The following ABCC1 variants were observed in gnomAD, a reference collection of about 807,000 sequenced individuals.
The protein encoded by ABCC1 is ATP binding cassette subfamily C member 1 (ABCC1 blood group).
ABCC1 carries 83 observed loss-of-function variants against 172.9 expected under a neutral mutation model. The ratio of observed to expected loss-of-function variants is 0.48; its 90% CI spans 0.40 to 0.58. ABCC1 has a LOEUF of 0.58. Among genes scored for constraint, ABCC1 ranks in the 20% least tolerant of loss-of-function variants. ABCC1 has a pLI of 0.00. For synonymous variants in ABCC1, 937 were observed against 825.2 expected (o/e 1.14, Z -2.32); for missense variants, 1,817 against 2,002.7 (o/e 0.91, Z 1.77).
At chr16:16,013,442 T>C (rs746812065) in intron 3 of ABCC1, among the ~76,000 whole-genome samples, 4 of 152,052 alleles carry the variant, frequency 2.6e-5, no homozygotes, top group Non-Finnish European at 5.9e-5. Context: ...GGCTAATTTT[T>C]GTATTTTTAG....
chr16:16,097,534 T>C (rs1216919042), intron 19 of ABCC1, among the ~76,000 whole-genome samples: 1 of 152,232 alleles, frequency 6.6e-6, no homozygotes, highest in African/African-American at 2.4e-5. Flanking sequence ...GTTCAAGGCA[T>C]GTCCTGCATA....
chr16:16,088,242 C>T (rs12596095), intron 18 of ABCC1, among the ~76,000 whole-genome samples: 17,439 of 151,834 alleles, frequency 0.11, 1,067 homozygotes, highest in East Asian at 0.22. Flanking sequence ...GTCAGGAGTT[C>T]GAGACCAGCC....
chr16:16,140,387 C>T (rs777178581), intron 30 of ABCC1, among the ~76,000 whole-genome samples: 11 of 152,130 alleles, frequency 7.2e-5, no homozygotes, highest in Non-Finnish European at 1.6e-4. Context: ...CTCACCCTGT[C>T]GCCCAGGCTG....
At chr16:16,086,049 C>T (rs934130394) in intron 17 of ABCC1, among the ~76,000 whole-genome samples, 1 of 152,036 alleles carries the variant, frequency 6.6e-6, no homozygotes, top group Non-Finnish European at 1.5e-5. Flanking sequence ...AGTGACAGAT[C>T]CAGAGTAAGC....
intron 5 of ABCC1, among the ~76,000 whole-genome samples, chr16:16,019,505 T>A (rs1328703832): frequency 6.6e-6 from 1 of 152,194 alleles, no homozygotes; most frequent in Non-Finnish European, 1.5e-5. Context: ...TGGTTGGGGC[T>A]GCCTGGCTGG....
At chr16:16,130,687 T>C (rs1156699836) in intron 26 of ABCC1, among the ~76,000 whole-genome samples, 11 of 152,244 alleles carry the variant, frequency 7.2e-5, no homozygotes, top group Non-Finnish European at 1.6e-4. Flanking sequence ...AGCCTAATGA[T>C]AGTTACCTAA....
intron 27 of ABCC1, among the ~76,000 whole-genome samples, chr16:16,133,108 G>C (rs2045767978): frequency 6.6e-6 from 1 of 152,130 alleles, no homozygotes. Flanking sequence ...GAAATTGTCA[G>C]AATTTTGGAA....
At chr16:16,100,260 C>T (rs113097713) in intron 19 of ABCC1, among the ~76,000 whole-genome samples, 2,130 of 152,302 alleles carry the variant, frequency 0.014, 46 homozygotes, top group African/African-American at 0.049. Flanking sequence ...CACTGCATGC[C>T]TGCAGAAGCT....
rs1310476127 is a variant in ABCC1, at chr16:16,036,587, T to G, written c.793T>G (p.Cys265Gly). Reference protein sequence around the residue: ...PVLVKNWKKECAKTRKQPVKV... With the variant: ...PVLVKNWKKEGAKTRKQPVKV... ...TTTGGTAAAGAACTGGAAGAAGGAATGCGCCAAGACTAGGAAGTAAGTGTG... is the reference window on the plus strand; with the variant it reads ...TTTGGTAAAGAACTGGAAGAAGGAAGGCGCCAAGACTAGGAAGTAAGTGTG... Residue 265 changes from cysteine (C) to glycine (G), a missense_variant, in exon 7 of 31, where the codon TGC becomes GGC. Cys to Gly is a radical substitution (Grantham distance 159). Transcript: ENST00000399410. The G allele has an allele frequency of 6.2e-7, 1 of 1,614,092 alleles. No homozygotes were observed.
chr16:16,101,609 C>T lies in ABCC1; in HGVS notation c.2645-1018C>T, dbSNP rs146290227. On this transcript the variant is annotated intron_variant, in intron 19 of 30. Coordinates refer to ENST00000399410, the MANE Select transcript of ABCC1 (RefSeq NM_004996.4). ...GTATCTTCTGTCCTGGGTCCTCTCC[C>T]ACCTTCTCTGGGGTCAGCCCTGTGG... Among the ~76,000 whole-genome samples the T allele has an allele frequency of 4.0e-3, 614 of 152,304 alleles. 2 individuals are homozygous for T. The highest frequency in any genetic ancestry group is 7.3e-3 in the Non-Finnish European group (500 of 68,030).
intron 15 of ABCC1, among the ~76,000 whole-genome samples, chr16:16,078,723 T>C (rs2050687557): frequency 6.6e-6 from 1 of 152,180 alleles, no homozygotes; most frequent in African/African-American, 2.4e-5. Context: ...CTTGCCCAGA[T>C]CGGAGTGCAG....
intron 9 of ABCC1, among the ~76,000 whole-genome samples, chr16:16,047,439 G>A (rs1199079997): frequency 6.6e-6 from 1 of 152,122 alleles, no homozygotes; most frequent in Non-Finnish European, 1.5e-5. Context: ...CCAGAGGCAT[G>A]CATCACCACG....
At chr16:16,050,948 G>A (rs2049406118) in intron 10 of ABCC1, among the ~76,000 whole-genome samples, 1 of 152,056 alleles carries the variant, frequency 6.6e-6, no homozygotes, top group African/African-American at 2.4e-5. Flanking sequence ...TCAAGCAGGT[G>A]TCTTGGGGAG....
chr16:16,090,266 G>A (rs1005100897), intron 18 of ABCC1, 139 bp from the exon 19 acceptor site: 6 of 771,246 alleles, frequency 7.8e-6, no homozygotes, highest in Admixed American at 3.2e-5. Context: ...CTGTTATCGC[G>A]GGTGCATGTC....
At chr16:16,072,003 G>A (rs574758574) in intron 14 of ABCC1, among the ~76,000 whole-genome samples, 1 of 152,104 alleles carries the variant, frequency 6.6e-6, no homozygotes, top group South Asian at 2.1e-4. Flanking sequence ...GCTGCTTGAG[G>A]CTTCCCCGTG....
In ABCC1 at chr16:16,016,725, C is replaced by A. The variant is rs1387222388; in HGVS notation, c.615+104C>A. On this transcript the variant is annotated intron_variant, in intron 5 of 30. Transcript: ENST00000399410. Reference sequence around the variant, plus strand: ...AGATCCATCCAGGATCTCGTTCCAGCCTCCCTCAACCCCTGATACAGGGAA... The same window carrying A: ...AGATCCATCCAGGATCTCGTTCCAGACTCCCTCAACCCCTGATACAGGGAA... 2.0e-6 allele frequency: 3 copies of A among 1,480,574 alleles called. No homozygotes were observed. The Admixed American group carries it at 5.8e-5, about 28-fold the overall frequency. 91.7% of individuals were successfully genotyped at this position (1,480,574 alleles called of 1,614,324 possible). A position where few individuals can be genotyped will look rare whatever the true frequency, so the allele number is the denominator to read the frequency against.
intron 5 of ABCC1, among the ~76,000 whole-genome samples, chr16:16,018,296 C>T (rs907990635): frequency 6.6e-6 from 1 of 152,106 alleles, no homozygotes; most frequent in Non-Finnish European, 1.5e-5. Flanking sequence ...CACCTGTAAT[C>T]GCAGCACTTT....
intron 1 of ABCC1, among the ~76,000 whole-genome samples, chr16:15,990,282 A>G (rs113916125): frequency 0.016 from 2,416 of 152,222 alleles, 70 homozygotes; most frequent in African/African-American, 0.055. Context: ...CCTGACTTCA[A>G]GTGATCCACC....
chr16:15,950,982 TA>T (rs1374029652), intron 1 of ABCC1, among the ~76,000 whole-genome samples: 1 of 152,104 alleles, frequency 6.6e-6, no homozygotes, highest in Non-Finnish European at 1.5e-5. Context: ...CACACTTTGA[TA>T]TATCTCCCAT....
Sources: gnomAD v4.1 joint callset for allele counts (sites outside exome capture counted in the v4.1 genomes callset) on GRCh38, gnomAD v4.1.1 for gene constraint, MANE v1.5 for transcripts, NCBI Gene and HGNC (gene_info 2026-07-23, HGNC 2026-07-21) for gene names.